Variants in PRICKLE2 observed in about 807,000 individuals in gnomAD.
PRICKLE2 encodes prickle-like protein 2.
A neutral mutation model predicts 81.4 loss-of-function variants in PRICKLE2; 21 were observed. The observed-to-expected ratio is 0.26, with a 90% confidence interval of 0.18 to 0.37. The LOEUF is 0.37. Ranked by LOEUF, PRICKLE2 falls within the 10% of genes least tolerant of loss-of-function variation. The pLI is 1.00. For synonymous variants in PRICKLE2, 456 were observed against 421.5 expected (o/e 1.08, Z -1.00); for missense variants, 940 against 1,109.0 (o/e 0.85, Z 2.16).
rs544401873 is a variant in PRICKLE2, at chr3:64,094,320, G to T, written c.*4731C>A. The T allele has an allele frequency of 6.6e-6, 1 of 152,286 alleles. No homozygotes were observed. Among genetic ancestry groups the T allele is most frequent in the Non-Finnish European group, 1.5e-5 (1 of 68,018 alleles). The allele number at this position is 152,286 out of a possible 1,614,324, so 9.4% of individuals were successfully genotyped here. On this transcript the variant is annotated 3_prime_UTR_variant, in exon 8 of 8. Coordinates refer to ENST00000638394, the MANE Select transcript of PRICKLE2 (RefSeq NM_198859.4). The stretch of plus-strand genomic sequence containing the variant: ...GGTAGGTTTAAGAACAGACCTTACT[G>T]GTAAGTAACTCTCTCTGAAAAATTT...
intron 2 of PRICKLE2, among the ~76,000 whole-genome samples, chr3:64,249,275 T>TA (rs139814446): frequency 0.23 from 34,424 of 152,010 alleles, 4,381 homozygotes; most frequent in Non-Finnish European, 0.27. Flanking sequence ...CACACACTTT[T>TA]AAACCATCAT....
intron 2 of PRICKLE2, among the ~76,000 whole-genome samples, chr3:64,169,392 T>C (rs1391606136): frequency 6.6e-6 from 1 of 152,206 alleles, no homozygotes; most frequent in Admixed American, 6.5e-5. Flanking sequence ...TGCGTTTCTC[T>C]GAACTTCTGA....
Position 64,153,374 on chromosome 3 carries a change from G to A in PRICKLE2, c.601-6C>T. ...CATTCATCTGCAAAGATGATCTGGA[G>A]ATGGGGAAGCCAAATGGTCAGTGTG... On this transcript the variant is annotated splice_region_variant and splice_polypyrimidine_tract_variant and intron_variant, in intron 5 of 7. Transcript: ENST00000638394. The A allele has an allele frequency of 6.2e-7, 1 of 1,613,828 alleles. No individual in the cohort carries two copies. The highest frequency in any genetic ancestry group is 8.5e-7 in the Non-Finnish European group (1 of 1,180,018).
chr3:64,206,125 C>G (rs1032543517), intron 1 of PRICKLE2, among the ~76,000 whole-genome samples: 1 of 152,156 alleles, frequency 6.6e-6, no homozygotes, highest in Non-Finnish European at 1.5e-5. Flanking sequence ...AACTGTATAT[C>G]TGGTTGCCAA....
At chr3:64,157,016 G>C in intron 5 of PRICKLE2, 146 bp downstream of exon 5, 2 of 762,564 alleles carry the variant, frequency 2.6e-6, no homozygotes, top group Non-Finnish European at 2.3e-6. Flanking sequence ...ACCAGGGATG[G>C]GTGGGGCTTC....
intron 2 of PRICKLE2, among the ~76,000 whole-genome samples, chr3:64,196,898 A>T (rs2078465010): frequency 6.6e-6 from 1 of 152,250 alleles, no homozygotes; most frequent in Non-Finnish European, 1.5e-5. Context: ...CCAGATCTTC[A>T]AAATTTCAAG....
intron 7 of PRICKLE2, among the ~76,000 whole-genome samples, chr3:64,133,827 C>CG (rs2077235078): frequency 6.6e-6 from 1 of 152,114 alleles, no homozygotes; most frequent in East Asian, 1.9e-4. Flanking sequence ...TCCCCAGTTA[C>CG]GGGGGTCAAC....
In PRICKLE2 at chr3:64,147,698, G is replaced by A. The variant is rs759827180; in HGVS notation, c.792C>T (p.Ile264=). ...CATCATAGGTCATTTGACCTTGGTCGATACCTAAAAAAATGAGAGACATTG... is the reference window on the plus strand; with the variant it reads ...CATCATAGGTCATTTGACCTTGGTCAATACCTAAAAAAATGAGAGACATTG... ...YCDTCAQHIG[I]DQGQMTYDGQ... Residue 264 remains isoleucine, a synonymous_variant, in exon 7 of 8, where the codon ATC becomes ATT. Coordinates refer to ENST00000638394, the MANE Select transcript of PRICKLE2 (RefSeq NM_198859.4). The surrounding 1 kb of genome is among the most constrained non-coding windows in gnomAD (Gnocchi z 5.0). The A allele has an allele frequency of 2.2e-5, 35 of 1,613,516 alleles. No individual in the cohort carries two copies. The highest frequency in any genetic ancestry group is 2.7e-5 in the Non-Finnish European group (32 of 1,180,028).
chr3:64,230,312 A>G (rs2079085364), upstream of PRICKLE2, among the ~76,000 whole-genome samples: 1 of 152,264 alleles, frequency 6.6e-6, no homozygotes, highest in Non-Finnish European at 1.5e-5. Context: ...TATTAAACAC[A>G]TAATGCCTTT....
At chr3:64,173,127 A>G (rs1393501045) in intron 2 of PRICKLE2, among the ~76,000 whole-genome samples, 1 of 152,252 alleles carries the variant, frequency 6.6e-6, no homozygotes, top group African/African-American at 2.4e-5. Context: ...GTATAAGACA[A>G]GTAGACAAAT....
chr3:64,157,760 G>A (rs986464506), intron 4 of PRICKLE2, among the ~76,000 whole-genome samples: 6 of 152,174 alleles, frequency 3.9e-5, no homozygotes, highest in Admixed American at 3.9e-4. Flanking sequence ...GGAGTGGCTG[G>A]GGAGGGAGGT....
intron 2 of PRICKLE2, among the ~76,000 whole-genome samples, chr3:64,240,089 C>T (rs1479642706): frequency 6.6e-6 from 1 of 151,974 alleles, no homozygotes; most frequent in Admixed American, 6.6e-5. Context: ...CACCACGGCA[C>T]TCCAGCCTGT....
chr3:64,262,047 C>G (rs1428165766), intron 2 of PRICKLE2, among the ~76,000 whole-genome samples: 1 of 152,104 alleles, frequency 6.6e-6, no homozygotes, highest in Non-Finnish European at 1.5e-5. Flanking sequence ...GATTTACATA[C>G]AGCAAAATCC....
chr3:64,266,129 G>A (rs533184545), intron 2 of PRICKLE2, among the ~76,000 whole-genome samples: 10 of 151,258 alleles, frequency 6.6e-5, no homozygotes, highest in Non-Finnish European at 1.3e-4. Flanking sequence ...GCTGATTCAG[G>A]AAAATACTCA....
intron 7 of PRICKLE2, among the ~76,000 whole-genome samples, chr3:64,115,414 T>C (rs2076918555): frequency 6.6e-6 from 1 of 152,126 alleles, no homozygotes; most frequent in Non-Finnish European, 1.5e-5. Flanking sequence ...GCAAGCTGCA[T>C]GAAGAACCAA....
intron 7 of PRICKLE2, among the ~76,000 whole-genome samples, chr3:64,143,903 T>A (rs1317702809): frequency 1.3e-5 from 2 of 151,978 alleles, no homozygotes; most frequent in African/African-American, 4.8e-5. Flanking sequence ...CTGCACTAAT[T>A]GCTCCCTTCT....
At chr3:64,221,136 T>G (rs2078945470) in intron 1 of PRICKLE2, among the ~76,000 whole-genome samples, 1 of 152,110 alleles carries the variant, frequency 6.6e-6, no homozygotes, top group Non-Finnish European at 1.5e-5. Flanking sequence ...CGTGGTGGAT[T>G]GGCAATTGCT....
chr3:64,132,547 C>T (rs928701491), intron 7 of PRICKLE2, among the ~76,000 whole-genome samples: 14 of 152,196 alleles, frequency 9.2e-5, no homozygotes, highest in Admixed American at 4.6e-4. Context: ...ATTTATTCAC[C>T]AACGTACACT....
chr3:64,198,198 C>T (rs1039190512), intron 2 of PRICKLE2, among the ~76,000 whole-genome samples: 5 of 149,034 alleles, frequency 3.4e-5, no homozygotes, highest in East Asian at 2.0e-4. Context: ...GGCGACAGAG[C>T]GAGACTCTAT....
Sources: gnomAD v4.1 joint callset for allele counts (sites outside exome capture counted in the v4.1 genomes callset) on GRCh38, gnomAD v4.1.1 for gene constraint, Gnocchi (gnomAD v3.1) non-coding constraint, MANE v1.5 for transcripts, NCBI Gene and HGNC (gene_info 2026-07-23, HGNC 2026-07-21) for gene names.